Variants in ARHGAP10 observed in about 807,000 individuals in gnomAD.
ARHGAP10 encodes the protein rho GTPase-activating protein 10.
In ARHGAP10, 87 loss-of-function variants were observed where a neutral mutation model predicts 108.6. The observed-to-expected ratio is 0.80, with a 90% CI of 0.67 to 0.96. The LOEUF is 0.96. Ranked by LOEUF, ARHGAP10 falls within the 40% of genes least tolerant of loss-of-function variation. The pLI, the probability that ARHGAP10 is intolerant of heterozygous loss-of-function variation, is 0.00. For synonymous variants in ARHGAP10, 347 were observed against 341.1 expected, an observed-to-expected ratio of 1.02 and a Z score of -0.19; for missense variants, 939 against 954.5, an observed-to-expected ratio of 0.98 and a Z score of 0.21.
At chr4:147,810,105 G>C (rs895363950) in intron 1 of ARHGAP10, among the ~76,000 whole-genome samples, 1 of 151,924 alleles carries the variant, frequency 6.6e-6, no homozygotes, top group Admixed American at 6.6e-5. Context: ...CTTTTTGAGC[G>C]GGAAGAAGAA....
At chr4:147,936,697 A>G (rs1220115454) in intron 13 of ARHGAP10, among the ~76,000 whole-genome samples, 1 of 151,984 alleles carries the variant, frequency 6.6e-6, no homozygotes, top group African/African-American at 2.4e-5. Flanking sequence ...GTGACTCCTT[A>G]GTGTTCTGAG....
intron 3 of ARHGAP10, among the ~76,000 whole-genome samples, chr4:147,826,910 G>A (rs1198190815): frequency 1.3e-5 from 2 of 152,054 alleles, no homozygotes; most frequent in Non-Finnish European, 2.9e-5. Context: ...AATAACAGTT[G>A]GTCTGTTTGA....
intron 21 of ARHGAP10, 139 bp from the exon 22 acceptor site, chr4:148,064,277 T>G: frequency 3.1e-6 from 2 of 636,664 alleles, no homozygotes; most frequent in Non-Finnish European, 5.5e-6. Context: ...TGATGTTCAC[T>G]TCCACGTTAA....
At chr4:148,057,734 TG>T (rs1729423750) in intron 20 of ARHGAP10, among the ~76,000 whole-genome samples, 1 of 152,232 alleles carries the variant, frequency 6.6e-6, no homozygotes, top group African/African-American at 2.4e-5. Flanking sequence ...TGAGGGACCT[TG>T]GGCAGATCGC....
intron 16 of ARHGAP10, among the ~76,000 whole-genome samples, chr4:147,961,705 T>C (rs1297959756): frequency 2.0e-5 from 3 of 152,062 alleles, no homozygotes; most frequent in Non-Finnish European, 2.9e-5. Context: ...AACCTCCTCA[T>C]TTTAGTAGAA....
intron 1 of ARHGAP10, among the ~76,000 whole-genome samples, chr4:147,817,310 G>A (rs1342775983): frequency 6.6e-6 from 1 of 152,154 alleles, no homozygotes; most frequent in Non-Finnish European, 1.5e-5. Context: ...CACTGACAGT[G>A]CTGCCTAGAT....
In ARHGAP10 at chr4:147,784,495, A is replaced by G. The variant is rs1456485831; in HGVS notation, c.155-38232A>G. 8.2e-5 allele frequency among the ~76,000 whole-genome samples: 9 copies of G among 109,162 alleles called. No homozygotes were observed. The East Asian group carries it at 1.8e-3, about 22-fold the overall frequency. 71.6% of individuals were successfully genotyped at this position (109,162 alleles called of 152,430 possible). ...TTATATTTATATATATATTTAATTTATATATAATATATACTGCAAAATATA... is the reference window on the plus strand; with the variant it reads ...TTATATTTATATATATATTTAATTTGTATATAATATATACTGCAAAATATA... On this transcript the variant is annotated intron_variant, in intron 1 of 22. Transcript: ENST00000336498.
At chr4:147,839,104 CTAT>C (rs1274482753) in intron 3 of ARHGAP10, among the ~76,000 whole-genome samples, 1 of 130,052 alleles carries the variant, frequency 7.7e-6, no homozygotes, top group African/African-American at 3.3e-5. Context: ...ATCTATCTAT[CTAT>C]CTATCTATCT....
chr4:147,911,192 C>G (rs894997881), intron 12 of ARHGAP10, among the ~76,000 whole-genome samples: 4 of 93,794 alleles, frequency 4.3e-5, no homozygotes, highest in African/African-American at 1.0e-4. Context: ...AATTCTTGAG[C>G]AGAAAACCAC....
intron 18 of ARHGAP10, among the ~76,000 whole-genome samples, chr4:148,017,726 C>A (rs1339116922): frequency 1.4e-5 from 2 of 147,962 alleles, no homozygotes; most frequent in Admixed American, 6.8e-5. Context: ...AGTGTGATAT[C>A]ATTACATAGA....
chr4:147,826,393 C>T (rs1261191383), intron 3 of ARHGAP10, among the ~76,000 whole-genome samples: 2 of 151,956 alleles, frequency 1.3e-5, no homozygotes, highest in African/African-American at 2.4e-5. Context: ...AGGGTAGGAA[C>T]GAGAATAGGG....
intron 10 of ARHGAP10, among the ~76,000 whole-genome samples, chr4:147,905,513 T>C (rs1279887223): frequency 1.6e-5 from 2 of 121,502 alleles, no homozygotes; most frequent in South Asian, 3.2e-4. Context: ...TGCTTGTTTT[T>C]CTCAGGTTTG....
At chr4:147,763,432 C>T (rs1729667391) in intron 1 of ARHGAP10, among the ~76,000 whole-genome samples, 1 of 152,002 alleles carries the variant, frequency 6.6e-6, no homozygotes, top group Non-Finnish European at 1.5e-5. Flanking sequence ...CTGCCTCAGC[C>T]TCTCGAGTAG....
At chr4:148,012,825 T>C (rs536298728) in intron 18 of ARHGAP10, among the ~76,000 whole-genome samples, 42 of 152,206 alleles carry the variant, frequency 2.8e-4, no homozygotes, top group African/African-American at 9.4e-4. Context: ...TTCTTCCTTA[T>C]GATGACAAAA....
chr4:147,787,105 C>T (rs962045133), intron 1 of ARHGAP10, among the ~76,000 whole-genome samples: 1 of 152,174 alleles, frequency 6.6e-6, no homozygotes, highest in African/African-American at 2.4e-5. Flanking sequence ...CTAGTCATAT[C>T]TCCTCAGCAG....
chr4:147,747,067 C>A (rs1215396167), intron 1 of ARHGAP10, among the ~76,000 whole-genome samples: 1 of 152,022 alleles, frequency 6.6e-6, no homozygotes, highest in African/African-American at 2.4e-5. Flanking sequence ...GGGTAAACAA[C>A]CCTCATGATA....
Position 148,033,103 on chromosome 4 carries a change from C to T in ARHGAP10, c.1867+9690C>T, listed in dbSNP as rs545405123. ...GGATTCTTATTTATTCTCTTCTTCA[C>T]TGAAGAGTCAGTTTGGTACCTTTTT... On this transcript the variant is annotated intron_variant, in intron 19 of 22. Coordinates refer to ENST00000336498, the MANE Select transcript of ARHGAP10 (RefSeq NM_024605.4). 2.6e-5 allele frequency among the ~76,000 whole-genome samples: 4 copies of T among 152,308 alleles called. No individual in the cohort carries two copies. In the East Asian group the frequency reaches 7.7e-4, roughly 29 times the overall value.
intron 10 of ARHGAP10, among the ~76,000 whole-genome samples, chr4:147,887,793 C>T (rs929456163): frequency 2.0e-5 from 3 of 151,228 alleles, no homozygotes; most frequent in South Asian, 2.1e-4. Context: ...ACCTGGGAGG[C>T]GGAGGTTGCA....
chr4:147,991,227 C>T (rs887039743), intron 18 of ARHGAP10, among the ~76,000 whole-genome samples: 13 of 151,672 alleles, frequency 8.6e-5, no homozygotes, highest in Admixed American at 2.0e-4. Context: ...GGTATGTTAG[C>T]GGTCCTTAGG....
Sources: allele counts gnomAD v4.1 joint callset (sites outside exome capture counted in the v4.1 genomes callset), GRCh38; gene constraint gnomAD v4.1.1; transcripts MANE v1.5; gene names NCBI Gene and HGNC (gene_info 2026-07-23, HGNC 2026-07-21).